The following CAMKMT variants were observed in gnomAD, a reference collection of about 807,000 sequenced individuals.
The protein encoded by CAMKMT is CaM KMT.
Under a neutral mutation model 48.0 loss-of-function variants are expected in CAMKMT, and 53 were observed. The observed-to-expected ratio is 1.10, with a 90% CI of 0.89 to 1.39. The LOEUF (loss-of-function observed/expected upper bound fraction) is 1.39, where lower values mean the gene tolerates loss of function less well. Ranked by LOEUF, CAMKMT falls within the 40% of genes most tolerant of loss-of-function variation. The pLI, the probability that CAMKMT is intolerant of heterozygous loss-of-function variation, is 0.00. For synonymous variants in CAMKMT, 165 were observed against 152.3 expected (o/e 1.08, Z -0.61); for missense variants, 428 against 402.7 (o/e 1.06, Z -0.54).
chr2:44,459,358 C>G (rs765732192), intron 3 of CAMKMT, among the ~76,000 whole-genome samples: 1 of 152,102 alleles, frequency 6.6e-6, no homozygotes, highest in African/African-American at 2.4e-5. Context: ...TAAATCCCTT[C>G]TTATTATGGG....
At chr2:44,624,714 C>T (rs1207580445) in intron 3 of CAMKMT, among the ~76,000 whole-genome samples, 1 of 152,116 alleles carries the variant, frequency 6.6e-6, no homozygotes, top group African/African-American at 2.4e-5. Context: ...TTTTCTTAAT[C>T]CAGTCTATCA....
intron 3 of CAMKMT, among the ~76,000 whole-genome samples, chr2:44,468,547 C>T (rs965051176): frequency 2.0e-5 from 3 of 152,214 alleles, no homozygotes; most frequent in Non-Finnish European, 4.4e-5. Context: ...GCTATCTGCA[C>T]TCCCATGTTT....
intron 7 of CAMKMT, among the ~76,000 whole-genome samples, chr2:44,729,829 CCA>C: frequency 6.6e-6 from 1 of 152,274 alleles, no homozygotes; most frequent in African/African-American, 2.4e-5. Context: ...ACCAGCACCA[CCA>C]GCATCAGTTG....
intron 3 of CAMKMT, among the ~76,000 whole-genome samples, chr2:44,542,450 A>C (rs890106074): frequency 1.3e-5 from 2 of 151,350 alleles, no homozygotes; most frequent in African/African-American, 2.4e-5. Flanking sequence ...AAAGACCTCC[A>C]CTCAAGTTGC....
intron 3 of CAMKMT, among the ~76,000 whole-genome samples, chr2:44,669,669 G>C (rs959913940): frequency 6.6e-6 from 1 of 151,298 alleles, no homozygotes; most frequent in Admixed American, 6.6e-5. Context: ...ACAGGGTCTC[G>C]CTCTGTCACC....
At chr2:44,448,177 C>G (rs1173875430) in intron 3 of CAMKMT, among the ~76,000 whole-genome samples, 2 of 152,114 alleles carry the variant, frequency 1.3e-5, no homozygotes, top group African/African-American at 4.8e-5. Flanking sequence ...AAAGTTGACC[C>G]TGCAGAAACT....
intron 7 of CAMKMT, among the ~76,000 whole-genome samples, chr2:44,730,836 A>C (rs994739445): frequency 6.6e-6 from 1 of 152,228 alleles, no homozygotes; most frequent in Non-Finnish European, 1.5e-5. Flanking sequence ...GACTTTGAGA[A>C]GTGACATAAA....
intron 3 of CAMKMT, among the ~76,000 whole-genome samples, chr2:44,545,413 C>G (rs953032249): frequency 1.3e-5 from 2 of 152,176 alleles, no homozygotes; most frequent in African/African-American, 4.8e-5. Flanking sequence ...TGTCTCTTTA[C>G]TAGGCATTGA....
intron 3 of CAMKMT, among the ~76,000 whole-genome samples, chr2:44,408,183 G>A (rs967923287): frequency 2.0e-5 from 3 of 151,592 alleles, no homozygotes; most frequent in Admixed American, 1.3e-4. Context: ...ACACCACCAC[G>A]TCCAGCTAAT....
Position 44,688,665 on chromosome 2 carries a change from G to A in CAMKMT, c.377-15618G>A, listed in dbSNP as rs538444106. 2.0e-5 allele frequency among the ~76,000 whole-genome samples: 3 copies of A among 152,214 alleles called. No homozygotes were observed. The South Asian group carries it at 6.2e-4, about 32-fold the overall frequency. On this transcript the variant is annotated intron_variant, in intron 3 of 10. Coordinates refer to ENST00000378494, the MANE Select transcript of CAMKMT (RefSeq NM_024766.5). Reference sequence around the variant, plus strand: ...AGTAGTGTTTTACCTTTTGGAACTTGCTAATGGCAATTCCTGCTGTTAGAA... The same window carrying A: ...AGTAGTGTTTTACCTTTTGGAACTTACTAATGGCAATTCCTGCTGTTAGAA...
intron 3 of CAMKMT, among the ~76,000 whole-genome samples, chr2:44,497,734 A>AGAGAGAGAGAGAGAGAGAGAGG (rs1318079163): frequency 6.6e-6 from 1 of 151,914 alleles, no homozygotes; most frequent in East Asian, 1.9e-4. Flanking sequence ...AGAGAGAGAG[A>AGAGAGAGAGAGAGAGAGAGAGG]GAGAGAGAGG....
chr2:44,440,280 C>T (rs1412184727), intron 3 of CAMKMT, among the ~76,000 whole-genome samples: 2 of 152,190 alleles, frequency 1.3e-5, no homozygotes, highest in African/African-American at 4.8e-5. Flanking sequence ...AACCTCGGGA[C>T]CTCAGGGAAA....
At chr2:44,533,657 G>T (rs1160649274) in intron 3 of CAMKMT, among the ~76,000 whole-genome samples, 2 of 152,162 alleles carry the variant, frequency 1.3e-5, no homozygotes, top group South Asian at 2.1e-4. Context: ...ATACTTAAGG[G>T]TGTCCTAAAC....
At position 44,577,063 on chromosome 2, in the gene CAMKMT, C is replaced by A. The variant is rs533572789; in HGVS notation, c.377-127220C>A. On this transcript the variant is annotated intron_variant, in intron 3 of 10. Transcript: ENST00000378494. ...ATCTGCACTATCTTCTGTAAGCATT[C>A]TGGTTAAATAATTCCCCAGGATAGG... 3.9e-5 allele frequency among the ~76,000 whole-genome samples: 6 copies of A among 152,274 alleles called. No individual in the cohort carries two copies. The South Asian group carries it at 1.2e-3, about 32-fold the overall frequency.
At chr2:44,764,116 T>A (rs2104403171) in intron 9 of CAMKMT, among the ~76,000 whole-genome samples, 1 of 152,284 alleles carries the variant, frequency 6.6e-6, no homozygotes, top group South Asian at 2.1e-4. Flanking sequence ...TTTTTGCTGC[T>A]AAGTTTGAAA....
At chr2:44,378,314 TC>T (rs1258649460) in intron 2 of CAMKMT, among the ~76,000 whole-genome samples, 2 of 152,196 alleles carry the variant, frequency 1.3e-5, no homozygotes, top group African/African-American at 4.8e-5. Context: ...ATTGAAATGT[TC>T]CCTTAAACAT....
At chr2:44,460,082 G>A (rs1184529467) in intron 3 of CAMKMT, among the ~76,000 whole-genome samples, 2 of 152,068 alleles carry the variant, frequency 1.3e-5, no homozygotes, top group African/African-American at 2.4e-5. Flanking sequence ...CCTAATATGC[G>A]AAACTAACAT....
chr2:44,469,073 A>G (rs966645583), intron 3 of CAMKMT, among the ~76,000 whole-genome samples: 4 of 152,208 alleles, frequency 2.6e-5, no homozygotes, highest in Non-Finnish European at 5.9e-5. Context: ...TAATGTATAC[A>G]ATATTAAAGC....
intron 3 of CAMKMT, among the ~76,000 whole-genome samples, chr2:44,523,203 G>A (rs1311891436): frequency 6.6e-6 from 1 of 151,528 alleles, no homozygotes; most frequent in Admixed American, 6.6e-5. Context: ...CATAGATTCT[G>A]TAGGTCAAGA....
Sources: allele counts gnomAD v4.1 joint callset (sites outside exome capture counted in the v4.1 genomes callset), GRCh38; gene constraint gnomAD v4.1.1; transcripts MANE v1.5; gene names NCBI Gene and HGNC (gene_info 2026-07-23, HGNC 2026-07-21).